The following PKD1 variants were observed in gnomAD, a reference collection of about 807,000 sequenced individuals.
The protein encoded by PKD1 is polycystin-1.
A neutral mutation model predicts 361.7 loss-of-function variants in PKD1; 81 were observed. That is an observed-to-expected ratio of 0.22 (90% CI 0.19 to 0.27). The LOEUF (loss-of-function observed/expected upper bound fraction) is 0.27. Among genes scored for constraint, PKD1 ranks in the 10% least tolerant of loss-of-function variants. The pLI is 1.00. For synonymous variants in PKD1, 3,615 were observed against 2,818.3 expected (o/e 1.28, Z -8.95); for missense variants, 6,399 against 6,118.3 (o/e 1.05, Z -1.53).
In PKD1 at chr16:2,111,730, A is replaced by G; in HGVS notation, c.3437T>C (p.Phe1146Ser). The G allele has an allele frequency of 1.9e-6, 3 of 1,597,030 alleles. No individual in the cohort carries two copies. The highest frequency in any genetic ancestry group is 1.7e-5 in the Admixed American group (1 of 57,624). The part of the protein sequence containing the change: ...GVLVAGRPVT[F>S]YPHPLPSPGG... ...AGGCGAGGGCAGCGGGTGCGGGTAGAAGGTGACGGGCCGGCCGGCCACCAG... is the reference window on the plus strand; with the variant it reads ...AGGCGAGGGCAGCGGGTGCGGGTAGGAGGTGACGGGCCGGCCGGCCACCAG... The change falls in exon 15 of 46, where the codon TTC (phenylalanine) becomes TCC (serine). Residue 1146 changes from phenylalanine to serine, a missense_variant. By Grantham distance (155) the Phe-to-Ser change is radical (BLOSUM62 -2). Transcript: ENST00000262304.
chr16:2,118,634 T>G lies in PKD1; in HGVS notation c.529+42A>C, dbSNP rs1276116908. ...GTGTCTGCAGGGCCCAGGTCCCACC[T>G]GGCTGGGAAGGACAGAGCTGGCCCC... On this transcript the variant is annotated intron_variant, in intron 4 of 45. Transcript: ENST00000262304. This position sits in a 1 kb window ranked among gnomAD's most constrained non-coding sequence, Gnocchi z 6.0. The G allele has an allele frequency of 2.7e-6, 3 of 1,095,486 alleles. No individual in the cohort carries two copies. The highest frequency in any genetic ancestry group is 4.0e-6 in the Non-Finnish European group (3 of 745,970). The allele number at this position is 1,095,486 out of a possible 1,614,324, so 67.9% of individuals were successfully genotyped here.
At chr16:2,104,115 G>C in intron 22 of PKD1, among the ~76,000 whole-genome samples, 1 of 14,434 alleles carries the variant, frequency 6.9e-5, no homozygotes, top group African/African-American at 8.6e-4. Flanking sequence ...GGGATGATGG[G>C]GAGAGGGAGG....
At chr16:2,093,426 G>A (rs1025371500) in intron 37 of PKD1, 118 bp downstream of exon 37, 2 of 972,886 alleles carry the variant, frequency 2.1e-6, no homozygotes, top group Non-Finnish European at 3.1e-6. Flanking sequence ...GCAGAGCATT[G>A]AACCCCTAAG....
rs2092593180 is a variant in PKD1 at position 2,114,331 on chromosome 16, C to T, written c.2692G>A (p.Ala898Thr). 3 of 1,610,394 alleles carry T rather than the reference C, an allele frequency of 1.9e-6. No homozygotes were observed. Among genetic ancestry groups the T allele is most frequent in the Admixed American group, 1.7e-5 (1 of 59,986 alleles). ...ETNDTLFSVV[A>T]LPWLSEGEHV... ...TCCCCCTCACTGAGCCACGGCAGTG[C>T]TACCACTGAGAACAGGGTATCGTTG... The change falls in exon 11 of 46, where the codon GCA (alanine) becomes ACA (threonine). Residue 898 changes from alanine (A) to threonine (T), a missense_variant. By Grantham distance (58) the Ala-to-Thr change is moderately conservative (BLOSUM62 0). Coordinates refer to ENST00000262304, the MANE Select transcript of PKD1 (RefSeq NM_001009944.3).
chr16:2,132,499 A>C (rs1161845746), intron 1 of PKD1, among the ~76,000 whole-genome samples: 6 of 141,830 alleles, frequency 4.2e-5, no homozygotes, highest in East Asian at 2.3e-4. Context: ...CGCTTGAACC[A>C]GGGAGTCGGA....
intron 1 of PKD1, among the ~76,000 whole-genome samples, chr16:2,121,107 T>G (rs1322975067): frequency 6.6e-6 from 1 of 151,860 alleles, no homozygotes; most frequent in Non-Finnish European, 1.5e-5. Flanking sequence ...GGCTCCTGCC[T>G]GTAATCCCAG....
intron 30 of PKD1, chr16:2,098,301 C>T (rs574887529): frequency 4.3e-5 from 18 of 420,580 alleles, no homozygotes; most frequent in South Asian, 1.3e-4. Flanking sequence ...CTCCACCTCC[C>T]GCGTTCAGGC....
chr16:2,102,501 T>A lies in PKD1; in HGVS notation c.9081A>T (p.Thr3027=), dbSNP rs749046847. The change falls in exon 25 of 46, where the codon ACA becomes ACT. Residue 3027 remains threonine, a synonymous_variant. Coordinates refer to ENST00000262304, the MANE Select transcript of PKD1 (RefSeq NM_001009944.3). Reference sequence around the variant, plus strand: ...TCTCCTCCAGGGGCAGCAGCCCCTCTGTCCGCCACACCATGTCCTCCTCGC... The same window carrying A: ...TCTCCTCCAGGGGCAGCAGCCCCTCAGTCCGCCACACCATGTCCTCCTCGC... The part of the protein sequence containing the change: ...YFSEEDMVWR[T]EGLLPLEETS... 3 of 1,589,090 alleles carry A rather than the reference T, an allele frequency of 1.9e-6. No individual in the cohort carries two copies. The Admixed American group carries it at 5.3e-5, about 28-fold the overall frequency.
At chr16:2,101,727 C>G (rs1389660480) in intron 26 of PKD1, among the ~76,000 whole-genome samples, 1 of 152,284 alleles carries the variant, frequency 6.6e-6, no homozygotes, top group Non-Finnish European at 1.5e-5. Flanking sequence ...GCGCCTCCGT[C>G]TGAGAGACGA....
Position 2,118,545 on chromosome 16 carries a change from G to A in PKD1, c.530-83C>T. The A allele has an allele frequency of 2.4e-6, 3 of 1,244,894 alleles. No homozygotes were observed. Among genetic ancestry groups the A allele is most frequent in the Non-Finnish European group, 3.4e-6 (3 of 882,802 alleles). 77.1% of individuals were successfully genotyped at this position (1,244,894 alleles called of 1,614,324 possible). On this transcript the variant is annotated intron_variant, in intron 4 of 45. Coordinates refer to ENST00000262304, the MANE Select transcript of PKD1 (RefSeq NM_001009944.3). This position sits in a 1 kb window ranked among gnomAD's most constrained non-coding sequence, Gnocchi z 6.0. ...CCCACATCCGCCCGCCGCACTCACA[G>A]GCTCCCATGCTGTTCCCTTGGCCCG...
At chr16:2,119,945 G>A (rs1304876767) in intron 1 of PKD1, 1 of 647,658 alleles carries the variant, frequency 1.5e-6, no homozygotes, top group African/African-American at 1.8e-5. Flanking sequence ...CAGGCACTGG[G>A]GCACACGCCG....
intron 11 of PKD1, chr16:2,113,928 T>C (rs937667012): frequency 6.8e-6 from 4 of 585,246 alleles, no homozygotes; most frequent in Non-Finnish European, 1.2e-5. Flanking sequence ...GAGTTTTAAA[T>C]TCATTTTGTG....
rs550686853 is a variant in PKD1 at position 2,100,762 on chromosome 16, T to C, written c.9398-196A>G. ...AATTAACAGCAGGACCTCAAGGACA[T>C]GATTAAGTTACATGGAAAGAACTGT... is the stretch of plus-strand genomic sequence containing the variant. On this transcript the variant is annotated intron_variant, in intron 26 of 45. Coordinates refer to ENST00000262304, the MANE Select transcript of PKD1 (RefSeq NM_001009944.3). This position sits in a 1 kb window ranked among gnomAD's most constrained non-coding sequence, Gnocchi z 4.4. The C allele has an allele frequency of 2.5e-3, 1,517 of 601,852 alleles. 2 individuals carry two copies. Among genetic ancestry groups the C allele is most frequent in the Non-Finnish European group, 3.9e-3 (1,304 of 336,740 alleles). The allele number at this position is 601,852 out of a possible 1,614,324, so 37.3% of individuals were successfully genotyped here. A position where few individuals can be genotyped will look rare whatever the true frequency, so the allele number is the denominator to read the frequency against.
At position 2,109,505 on chromosome 16, in the gene PKD1, C is replaced by G; in HGVS notation, c.5662G>C (p.Val1888Leu). 1.9e-6 allele frequency: 3 copies of G among 1,609,940 alleles called. No individual in the cohort carries two copies. The highest frequency in any genetic ancestry group is 2.5e-6 in the Non-Finnish European group (3 of 1,179,262). The change falls in exon 15 of 46, where the codon GTG (valine) becomes CTG (leucine). Residue 1888 changes from valine to leucine, a missense_variant. By Grantham distance (32) the Val-to-Leu change is conservative. Transcript: ENST00000262304. ...TYNLTAEEPI[V>L]GLVLWASSKV... is the part of the protein sequence containing the mutation. Reference sequence around the variant, plus strand: ...CTGCTGGCCCACAGCACCAGGCCCACGATGGGCTCCTCCGCCGTGAGGTTG... The same window carrying G: ...CTGCTGGCCCACAGCACCAGGCCCAGGATGGGCTCCTCCGCCGTGAGGTTG...
At chr16:2,120,061 T>G in intron 1 of PKD1, 1 of 585,462 alleles carries the variant, frequency 1.7e-6, no homozygotes, top group Non-Finnish European at 3.1e-6. Context: ...AAAATACACA[T>G]TAGCCAGGCA....
chr16:2,091,453 G>A lies in PKD1; in HGVS notation c.11682C>T (p.Ser3894=), dbSNP rs567482892. 24,156 of 1,236,480 alleles carry A rather than the reference G, an allele frequency of 0.02. 308 individuals carry two copies. Among genetic ancestry groups the A allele is most frequent in the Non-Finnish European group, 0.022 (22,190 of 987,556 alleles). The allele number at this position is 1,236,480 out of a possible 1,614,324, so 76.6% of individuals were successfully genotyped here. ...TGAGCAGAGGCAGCGAGAGGCCCGC[G>A]CTGAGGCGGCGCAGCGCAAAGGGGC... The part of the protein sequence containing the change: ...SVRPFALRRL[S]AGLSLPLLTS... Residue 3894 remains serine, a synonymous_variant, in exon 42 of 46, where the codon AGC becomes AGT. Transcript: ENST00000262304.
rs1393315459 is a variant in PKD1 at position 2,118,684 on chromosome 16, C to G, written c.521G>C (p.Ser174Thr). Residue 174 changes from serine (S) to threonine (T), a missense_variant, in exon 4 of 46, where the codon AGT (serine) becomes ACT (threonine). Physicochemically the swap from Ser to Thr is moderately conservative, Grantham distance 58 (BLOSUM62 1). Transcript: ENST00000262304. The surrounding 1 kb of genome is among the most constrained non-coding windows in gnomAD (Gnocchi z 6.0). ...CACCCACCGGCACTCACCACAGCCA[C>G]TGTCCAGCAAGGGGATGCCAAGCAG... Reference protein sequence around the residue: ...QPLLGIPLLDSGCGEEYVACL... With the variant: ...QPLLGIPLLDTGCGEEYVACL... The G allele has an allele frequency of 1.4e-6, 2 of 1,458,664 alleles. No homozygotes were observed. The highest frequency in any genetic ancestry group is 2.8e-5 in the African/African-American group (2 of 71,808). 90.4% of individuals were successfully genotyped at this position (1,458,664 alleles called of 1,614,324 possible). A position where few individuals can be genotyped will look rare whatever the true frequency, so the allele number is the denominator to read the frequency against.
In PKD1 at chr16:2,110,790, C is replaced by A. The variant is rs1241188818; in HGVS notation, c.4377G>T (p.Leu1459=). ...NNISAANDSA[L]VEVQEPVLVT... ...CCAGCACGGGCTCCTGCACCTCCACCAGGGCTGAGTCATTGGCAGCAGAGA... is the reference window on the plus strand; with the variant it reads ...CCAGCACGGGCTCCTGCACCTCCACAAGGGCTGAGTCATTGGCAGCAGAGA... The change falls in exon 15 of 46, where the codon CTG becomes CTT. Residue 1459 remains leucine (L), a synonymous_variant. Coordinates refer to ENST00000262304, the MANE Select transcript of PKD1 (RefSeq NM_001009944.3). 6.2e-7 allele frequency: 1 copy of A among 1,611,182 alleles called. No individual in the cohort carries two copies. Among genetic ancestry groups the A allele is most frequent in the Non-Finnish European group, 8.5e-7 (1 of 1,179,828 alleles).
Position 2,118,027 on chromosome 16 carries a change from G to C in PKD1, c.965C>G (p.Ser322Trp). Reference protein sequence around the residue: ...AEVDAAGPAASHRYVLPGRYH... With the variant: ...AEVDAAGPAAWHRYVLPGRYH... ...GCGCCCAGGCAGCACATAGCGATGC[G>C]AGGCAGCCGGCCCAGCGGCATCCAC... is the stretch of plus-strand genomic sequence containing the variant. The change falls in exon 5 of 46, where the codon TCG becomes TGG. Residue 322 changes from serine to tryptophan, a missense_variant. Physicochemically the swap from Ser to Trp is radical, Grantham distance 177. Transcript: ENST00000262304. The surrounding 1 kb of genome is among the most constrained non-coding windows in gnomAD (Gnocchi z 6.0). 1 of 1,598,914 alleles carries C rather than the reference G, an allele frequency of 6.3e-7. No individual in the cohort carries two copies. The highest frequency in any genetic ancestry group is 8.5e-7 in the Non-Finnish European group (1 of 1,177,678).
Sources: gnomAD v4.1 joint callset for allele counts (sites outside exome capture counted in the v4.1 genomes callset) on GRCh38, gnomAD v4.1.1 for gene constraint, Gnocchi (gnomAD v3.1) non-coding constraint, MANE v1.5 for transcripts, NCBI Gene and HGNC (gene_info 2026-07-23, HGNC 2026-07-21) for gene names.